The following KITLG variants were observed in gnomAD, a reference collection of about 807,000 sequenced individuals.
KITLG encodes the protein KIT ligand, also known as c-Kit ligand.
In KITLG, 13 loss-of-function variants were observed where a neutral mutation model predicts 34.1. The observed-to-expected ratio is 0.38, with a 90% CI of 0.25 to 0.61. KITLG has a LOEUF of 0.61. Among genes scored for constraint, KITLG ranks in the 20% least tolerant of loss-of-function variants. The pLI is 0.60. For synonymous variants in KITLG, 110 were observed against 104.0 expected (o/e 1.06, Z -0.35); for missense variants, 292 against 318.9 (o/e 0.92, Z 0.64).
chr12:88,575,965 C>T (rs150924883), intron 1 of KITLG, among the ~76,000 whole-genome samples: 159 of 151,758 alleles, frequency 1.0e-3, no homozygotes, highest in African/African-American at 3.2e-3. Context: ...ACAAAGACAC[C>T]CCACAGAAAT....
At chr12:88,525,484 G>A (rs1171919533) in intron 3 of KITLG, among the ~76,000 whole-genome samples, 2 of 152,036 alleles carry the variant, frequency 1.3e-5, no homozygotes. Context: ...AGATACACAG[G>A]AGTAAAAGAT....
At chr12:88,538,580 C>G (rs1227263423) in intron 2 of KITLG, among the ~76,000 whole-genome samples, 1 of 151,868 alleles carries the variant, frequency 6.6e-6, no homozygotes, top group Admixed American at 6.6e-5. Context: ...CAGAGACAGA[C>G]AAAAGATTAG....
At chr12:88,500,941 A>C (rs1159195786) in intron 9 of KITLG, among the ~76,000 whole-genome samples, 3 of 151,926 alleles carry the variant, frequency 2.0e-5, no homozygotes, top group Non-Finnish European at 4.4e-5. Flanking sequence ...CACTATGCCC[A>C]CCCAATTTTT....
In KITLG at chr12:88,506,381, G is replaced by A. The variant is rs1435667942; in HGVS notation, c.715-3C>T. The A allele has an allele frequency of 6.3e-7, 1 of 1,588,696 alleles. No individual in the cohort carries two copies. Among genetic ancestry groups the A allele is most frequent in the African/African-American group, 1.3e-5 (1 of 74,356 alleles). On this transcript the variant is annotated splice_polypyrimidine_tract_variant and splice_region_variant and intron_variant, in intron 7 of 9. Coordinates refer to ENST00000644744, the MANE Select transcript of KITLG (RefSeq NM_000899.5). ...CTTGTAAGACTTGGCTGTCTCTTCTGGAAAAAGAAGAAAGACATATACTGT... is the reference window on the plus strand; with the variant it reads ...CTTGTAAGACTTGGCTGTCTCTTCTAGAAAAAGAAGAAAGACATATACTGT...
At chr12:88,549,925 TA>T (rs1566031146) in intron 1 of KITLG, among the ~76,000 whole-genome samples, 1 of 152,084 alleles carries the variant, frequency 6.6e-6, no homozygotes, top group African/African-American at 2.4e-5. Flanking sequence ...GCCAAGACTT[TA>T]AAAAAGTACT....
chr12:88,548,724 A>C lies in KITLG; in HGVS notation c.16-2859T>G, dbSNP rs2120919336. Among the ~76,000 whole-genome samples the C allele has an allele frequency of 2.6e-5, 4 of 152,324 alleles. 1 individual carries two copies. Among genetic ancestry groups the C allele is most frequent in the Admixed American group, 2.6e-4 (4 of 15,302 alleles). On this transcript the variant is annotated intron_variant, in intron 1 of 9. Transcript: ENST00000644744. ...ATAAAATATTAATACATATCAGTGC[A>C]TGACATATGCTTGTAATAAAGCACA...
At chr12:88,535,763 T>G (rs1035768187) in intron 2 of KITLG, among the ~76,000 whole-genome samples, 41 of 152,208 alleles carry the variant, frequency 2.7e-4, no homozygotes, top group Admixed American at 2.7e-3. Context: ...ACAAGCCATG[T>G]CATCTTTGAC....
intron 1 of KITLG, among the ~76,000 whole-genome samples, chr12:88,557,730 G>A (rs190730928): frequency 5.9e-5 from 9 of 152,118 alleles, no homozygotes; most frequent in African/African-American, 1.4e-4. Flanking sequence ...CCCCAACACC[G>A]GCCAAAGTAT....
At chr12:88,551,389 T>C (rs1376210250) in intron 1 of KITLG, among the ~76,000 whole-genome samples, 1 of 152,156 alleles carries the variant, frequency 6.6e-6, no homozygotes, top group Admixed American at 6.6e-5. Flanking sequence ...TACACAGAAG[T>C]CTTTCTAATA....
At chr12:88,519,005 A>C (rs1440655383) in intron 3 of KITLG, 138 bp from the exon 4 acceptor site, 4 of 743,902 alleles carry the variant, frequency 5.4e-6, no homozygotes, top group Non-Finnish European at 9.1e-6. Flanking sequence ...TCAGATTACA[A>C]GTGCCTGCCA....
At chr12:88,529,121 C>T (rs1340249915) in intron 3 of KITLG, among the ~76,000 whole-genome samples, 2 of 152,086 alleles carry the variant, frequency 1.3e-5, no homozygotes, top group East Asian at 3.8e-4. Flanking sequence ...CATAAATATA[C>T]ACAACTCTTA....
chr12:88,545,445 A>G (rs189649365), intron 2 of KITLG, among the ~76,000 whole-genome samples: 1 of 152,332 alleles, frequency 6.6e-6, no homozygotes, highest in African/African-American at 2.4e-5. Flanking sequence ...AAGCTGGGGC[A>G]AGCCCATCAG....
chr12:88,519,867 T>TC (rs1869595563), intron 3 of KITLG, among the ~76,000 whole-genome samples: 1 of 152,114 alleles, frequency 6.6e-6, no homozygotes, highest in Non-Finnish European at 1.5e-5. Flanking sequence ...CAAGCAATCC[T>TC]CCCTCCTCAG....
intron 1 of KITLG, among the ~76,000 whole-genome samples, chr12:88,565,738 G>GT (rs1247869087): frequency 6.6e-6 from 1 of 152,208 alleles, no homozygotes; most frequent in Non-Finnish European, 1.5e-5. Context: ...ACTGAGAGTT[G>GT]TAAGATGCTG....
rs1868597487 is a variant in KITLG at position 88,495,401 on chromosome 12, GAT to G, written c.*1816_*1817del. ...ACAGGACCTATCAGCAATTTAAATT[GAT>G]CTCTGGTTTTATTACTAATCAAGTG... On this transcript the variant is annotated 3_prime_UTR_variant, in exon 10 of 10. Coordinates refer to ENST00000644744, the MANE Select transcript of KITLG (RefSeq NM_000899.5). 1 of 152,204 alleles carries G rather than the reference GAT, an allele frequency of 6.6e-6. No homozygotes were observed. Among genetic ancestry groups the G allele is most frequent in the Non-Finnish European group, 1.5e-5 (1 of 67,970 alleles). The allele number at this position is 152,204 out of a possible 1,614,324, so 9.4% of individuals were successfully genotyped here.
chr12:88,578,642 A>G (rs1168315981), intron 1 of KITLG, among the ~76,000 whole-genome samples: 3 of 152,214 alleles, frequency 2.0e-5, no homozygotes, highest in Non-Finnish European at 2.9e-5. Context: ...TGCCTCTCAA[A>G]GTGACTTGAT....
chr12:88,532,558 A>G, intron 2 of KITLG, 55 bp from the exon 3 acceptor site: 2 of 1,182,466 alleles, frequency 1.7e-6, no homozygotes, highest in Non-Finnish European at 2.5e-6. Context: ...TCAATTAATC[A>G]TATTTGTAGT....
chr12:88,548,225 G>A (rs1168964507), intron 1 of KITLG, among the ~76,000 whole-genome samples: 1 of 152,154 alleles, frequency 6.6e-6, no homozygotes, highest in African/African-American at 2.4e-5. Context: ...GGAGGCCGAG[G>A]TGGGCGGATC....
chr12:88,578,947 G>T (rs1871919119), intron 1 of KITLG, among the ~76,000 whole-genome samples: 1 of 152,170 alleles, frequency 6.6e-6, no homozygotes, highest in Non-Finnish European at 1.5e-5. Context: ...TCCAGGTGCG[G>T]TGCTCAATGC....
Sources: allele counts gnomAD v4.1 joint callset (sites outside exome capture counted in the v4.1 genomes callset), GRCh38; gene constraint gnomAD v4.1.1; transcripts MANE v1.5; gene names NCBI Gene and HGNC (gene_info 2026-07-23, HGNC 2026-07-21).